The following NUP188 variants were observed in gnomAD, a reference collection of about 807,000 sequenced individuals.
NUP188 encodes nucleoporin NUP188.
Under a neutral mutation model 223.0 loss-of-function variants are expected in NUP188, and 97 were observed. The observed-to-expected ratio is 0.43, with a 90% CI of 0.37 to 0.51. NUP188 has a LOEUF of 0.51. Ranked by LOEUF, NUP188 falls within the 20% of genes least tolerant of loss-of-function variation. NUP188 has a pLI of 0.00. For missense variants in NUP188, 1,947 were observed against 2,175.6 expected (o/e 0.89, Z 2.09); for synonymous variants, 869 against 828.0 (o/e 1.05, Z -0.85).
At chr9:128,998,370 G>A in intron 31 of NUP188, 142 bp downstream of exon 31, 1 of 990,652 alleles carries the variant, frequency 1.0e-6, no homozygotes. Context: ...TGAGACTGTA[G>A]TGGGTCAGCA....
intron 30 of NUP188, among the ~76,000 whole-genome samples, chr9:128,997,745 G>A (rs749680550): frequency 1.4e-4 from 21 of 151,816 alleles, no homozygotes; most frequent in Non-Finnish European, 2.2e-4. Context: ...TATTTAAGAC[G>A]GAGTCTCTCT....
At chr9:128,948,459 C>G (rs1841723743) in intron 1 of NUP188, 1 of 152,142 alleles carries the variant, frequency 6.6e-6, no homozygotes, top group Non-Finnish European at 1.5e-5. Flanking sequence ...GGAGTTATCT[C>G]ATTCAATTCT....
At chr9:128,973,114 G>C in intron 11 of NUP188, 46 bp from the exon 12 acceptor site, 1 of 1,219,500 alleles carries the variant, frequency 8.2e-7, no homozygotes, top group South Asian at 1.3e-5. Flanking sequence ...ACCTGGGGAA[G>C]AGTTGTATTA....
intron 11 of NUP188, 42 bp downstream of exon 11, chr9:128,971,000 G>A: frequency 6.9e-7 from 1 of 1,451,634 alleles, no homozygotes; most frequent in Non-Finnish European, 9.7e-7. Flanking sequence ...GAGTGAGCCG[G>A]CAGAAGCATT....
At chr9:128,998,838 C>T (rs989917358) in intron 32 of NUP188, among the ~76,000 whole-genome samples, 5 of 150,622 alleles carry the variant, frequency 3.3e-5, no homozygotes, top group African/African-American at 4.9e-5. Context: ...TATTTTGTCT[C>T]ACTCCCCACC....
chr9:128,976,241 T>G (rs1220108144), intron 12 of NUP188, among the ~76,000 whole-genome samples: 1 of 152,202 alleles, frequency 6.6e-6, no homozygotes, highest in East Asian at 1.9e-4. Context: ...GAAATGATAT[T>G]TGATGAGTAT....
chr9:128,980,838 C>A, intron 14 of NUP188, 113 bp downstream of exon 14: 1 of 1,120,012 alleles, frequency 8.9e-7, no homozygotes, highest in Non-Finnish European at 1.3e-6. Context: ...AAAAGTTTGT[C>A]TGAAGGTGAA....
In NUP188 at chr9:128,987,657, T is replaced by A; in HGVS notation, c.2333T>A (p.Ile778Asn). ...TACACAGAAGCAGGACAGACAGTTA[T>A]CAATATCATGGGCATTGGCGTGGAC... ...LAYTEAGQTVINIMGIGVDTI... is the reference protein window; with the variant it reads ...LAYTEAGQTVNNIMGIGVDTI... The change falls in exon 23 of 44, where the codon ATC becomes AAC. Residue 778 changes from isoleucine (I) to asparagine (N), a missense_variant. Around this residue, in one of 3 missense-constraint regions of NUP188, gnomAD observed 225 missense variants for 319.1 expected, o/e 0.71. Coordinates refer to ENST00000372577, the MANE Select transcript of NUP188 (RefSeq NM_015354.3). 6.2e-7 allele frequency: 1 copy of A among 1,614,130 alleles called. No individual in the cohort carries two copies. The highest frequency in any genetic ancestry group is 2.2e-5 in the East Asian group (1 of 44,886).
At position 128,956,972 on chromosome 9, in the gene NUP188, T is replaced by C; in HGVS notation, c.267T>C (p.Ser89=). The C allele has an allele frequency of 3.7e-6, 6 of 1,612,628 alleles. No homozygotes were observed. The South Asian group carries it at 4.4e-5, about 12-fold the overall frequency. ...SKFLGLDEEQ[S]VQLLQCYLQE... ...TTCAGGGTCTTGATGAAGAACAGAG[T>C]GTGCAGTTACTCCAGTGTTACCTGC... The change falls in exon 5 of 44, where the codon AGT becomes AGC. Residue 89 remains serine, a synonymous_variant. Coordinates refer to ENST00000372577, the MANE Select transcript of NUP188 (RefSeq NM_015354.3).
intron 13 of NUP188, among the ~76,000 whole-genome samples, chr9:128,979,830 C>T (rs1382345654): frequency 2.0e-5 from 3 of 152,176 alleles, no homozygotes; most frequent in Non-Finnish European, 4.4e-5. Context: ...GACGGGGTTT[C>T]ACTATGTTGG....
intron 8 of NUP188, among the ~76,000 whole-genome samples, chr9:128,962,251 T>G (rs189217457): frequency 1.3e-3 from 187 of 149,414 alleles, no homozygotes; most frequent in African/African-American, 4.5e-3. Flanking sequence ...CCATACTCTT[T>G]TTTTTTTTTT....
chr9:128,992,569 A>G (rs998465859), intron 25 of NUP188, among the ~76,000 whole-genome samples: 75 of 152,220 alleles, frequency 4.9e-4, no homozygotes, highest in African/African-American at 1.7e-3. Context: ...CATGCCACAT[A>G]GGCACATTTG....
Position 129,006,293 on chromosome 9 carries a change from G to A in NUP188, c.4998G>A (p.Ala1666=), listed in dbSNP as rs772946032. The A allele has an allele frequency of 1.6e-5, 26 of 1,614,154 alleles. No individual in the cohort carries two copies. Among genetic ancestry groups the A allele is most frequent in the East Asian group, 6.7e-5 (3 of 44,876 alleles). ...ENCFYLLISQ[A]MRYLRDPAVH... is the part of the protein sequence containing the mutation. ...GCTTCTACCTGCTCATCTCTCAGGC[G>A]ATGCGGTACCTTAGGGACCCGGCTG... Residue 1666 remains alanine, a synonymous_variant, in exon 43 of 44, where the codon GCG becomes GCA. Transcript: ENST00000372577.
Position 128,998,450 on chromosome 9 carries a change from G to C in NUP188, c.3430-88G>C. 4 of 1,221,402 alleles carry C rather than the reference G, an allele frequency of 3.3e-6. No individual in the cohort carries two copies. In the South Asian group the frequency reaches 4.8e-5, roughly 15 times the overall value. The allele number at this position is 1,221,402 out of a possible 1,614,324, so 75.7% of individuals were successfully genotyped here. ...TCCACTCCTGTGAGCTCACTGCTGGGGAAGAAAGGCAATGAGGCCGGAGGT... is the reference window on the plus strand; with the variant it reads ...TCCACTCCTGTGAGCTCACTGCTGGCGAAGAAAGGCAATGAGGCCGGAGGT... On this transcript the variant is annotated intron_variant, in intron 31 of 43. Transcript: ENST00000372577.
chr9:128,999,382 G>T, intron 33 of NUP188, 65 bp downstream of exon 33: 1 of 1,578,880 alleles, frequency 6.3e-7, no homozygotes, highest in Non-Finnish European at 8.6e-7. Context: ...AGCCAGGCAG[G>T]GCTTCCTTCA....
intron 38 of NUP188, 33 bp downstream of exon 38, chr9:129,003,487 G>A (rs1564568804): frequency 1.2e-6 from 2 of 1,602,550 alleles, no homozygotes; most frequent in Non-Finnish European, 1.7e-6. Context: ...TGGAGTCTGG[G>A]GTAATGCTTG....
chr9:128,977,942 T>A (rs1019216221), intron 12 of NUP188, among the ~76,000 whole-genome samples: 2 of 152,210 alleles, frequency 1.3e-5, no homozygotes, highest in African/African-American at 4.8e-5. Context: ...AATCCTTACT[T>A]ATAATCCTAC....
chr9:128,999,895 T>G, intron 34 of NUP188, 90 bp downstream of exon 34: 1 of 1,248,428 alleles, frequency 8.0e-7, no homozygotes, highest in Admixed American at 2.0e-5. Context: ...TCAAGACAGA[T>G]AGTCGCTGCA....
At chr9:129,003,722 G>A (rs1842720824) in intron 38 of NUP188, 1 of 487,224 alleles carries the variant, frequency 2.1e-6, no homozygotes, top group Non-Finnish European at 3.8e-6. Flanking sequence ...GGCCGGGCAT[G>A]GTGGCTCACG....
Sources: allele counts gnomAD v4.1 joint callset (sites outside exome capture counted in the v4.1 genomes callset), GRCh38; gene constraint gnomAD v4.1.1; regional missense constraint gnomAD v4.1.1; transcripts MANE v1.5; gene names NCBI Gene and HGNC (gene_info 2026-07-23, HGNC 2026-07-21).